The following VASH2 variants were observed in gnomAD, a reference collection of about 807,000 sequenced individuals.
VASH2 encodes the protein vasohibin 2, also known as tubulinyl-Tyr carboxypeptidase 2.
Under a neutral mutation model 37.2 loss-of-function variants are expected in VASH2, and 28 were observed. The observed-to-expected ratio is 0.75, with a 90% CI of 0.56 to 1.03. The LOEUF (loss-of-function observed/expected upper bound fraction) is 1.03, where lower values mean the gene tolerates loss of function less well. VASH2 is among the 50% of genes least tolerant of loss of function. The probability of loss-of-function intolerance (pLI) is 0.00; values close to 1 mark genes in which losing one functional copy is unlikely to be tolerated. For synonymous variants in VASH2, 188 were observed against 174.7 expected (o/e 1.08, Z -0.60); for missense variants, 419 against 459.1 (o/e 0.91, Z 0.80).
At chr1:212,967,529 T>C (rs575613075) in intron 5 of VASH2, 218 of 992,034 alleles carry the variant, frequency 2.2e-4, no homozygotes, top group Non-Finnish European at 2.5e-4. Flanking sequence ...GAGAAATGAC[T>C]TTTTTCCAAA....
chr1:212,973,619 CT>C, intron 6 of VASH2: 2 of 1,226,988 alleles, frequency 1.6e-6, no homozygotes, highest in Non-Finnish European at 1.0e-6. Flanking sequence ...AGAGATGGGA[CT>C]TTGCCTTCGT....
chr1:212,967,502 T>A (rs1666886951), intron 5 of VASH2: 1 of 1,104,734 alleles, frequency 9.1e-7, no homozygotes, highest in African/African-American at 1.6e-5. Context: ...ATCAGTTAGG[T>A]CCTTGAGCGC....
At chr1:212,963,798 C>T (rs1240685205) in intron 3 of VASH2, among the ~76,000 whole-genome samples, 1 of 151,916 alleles carries the variant, frequency 6.6e-6, no homozygotes, top group Non-Finnish European at 1.5e-5. Context: ...ACGTTTGTCT[C>T]ATTTGTTACA....
chr1:212,953,428 C>T (rs1666385876), intron 2 of VASH2, among the ~76,000 whole-genome samples: 1 of 152,172 alleles, frequency 6.6e-6, no homozygotes, highest in Non-Finnish European at 1.5e-5. Flanking sequence ...ATAAATCCTC[C>T]TCGCAGCACC....
rs1667098059 is a variant in VASH2 at position 212,973,974 on chromosome 1, C to T, written c.899C>T (p.Ala300Val). ...MRMKILKPAS[A>V]HSPTQVRSRG... ...CTTCAGATCCTGAAACCTGCAAGTG[C>T]CCACTCTCCGACCCAAGTGAGAAGC... The change falls in exon 7 of 8, where the codon GCC becomes GTC. Residue 300 changes from alanine to valine, a missense_variant. This residue lies in a region of VASH2 where 177 missense variants were observed against 166.2 expected (regional missense o/e 1.06). Coordinates refer to ENST00000517399, the MANE Select transcript of VASH2 (RefSeq NM_001301056.2). 2.5e-6 allele frequency: 4 copies of T among 1,613,572 alleles called. No homozygotes were observed. The South Asian group carries it at 3.3e-5, about 13-fold the overall frequency.
intron 4 of VASH2, 189 bp downstream of exon 4, chr1:212,965,967 C>T: frequency 1.6e-6 from 1 of 619,904 alleles, no homozygotes. Context: ...CAGTGGAGCT[C>T]AGTGGTGAAT....
chr1:212,981,541 G>C (rs181924475), intron 7 of VASH2, among the ~76,000 whole-genome samples: 1 of 152,290 alleles, frequency 6.6e-6, no homozygotes, highest in Admixed American at 6.5e-5. Flanking sequence ...ACTTGTAAAT[G>C]CTGGGCCAAG....
intron 5 of VASH2, chr1:212,967,149 C>T (rs766272948): frequency 1.2e-5 from 16 of 1,304,510 alleles, no homozygotes; most frequent in Non-Finnish European, 1.3e-5. Context: ...GCTTCTCCCA[C>T]ACTTTCTGTT....
chr1:212,960,805 C>T (rs529574994), intron 2 of VASH2, among the ~76,000 whole-genome samples: 3 of 152,310 alleles, frequency 2.0e-5, no homozygotes, highest in East Asian at 1.9e-4. Flanking sequence ...GGAATGCTTT[C>T]GTGTCCGTCC....
At chr1:212,973,663 G>A in intron 6 of VASH2, 1 of 1,244,180 alleles carries the variant, frequency 8.0e-7, no homozygotes, top group Admixed American at 3.3e-5. Context: ...AACAAACACA[G>A]CCCCGGGGAG....
At chr1:212,972,269 G>C (rs1259206160) in intron 5 of VASH2, among the ~76,000 whole-genome samples, 1 of 152,206 alleles carries the variant, frequency 6.6e-6, no homozygotes, top group Non-Finnish European at 1.5e-5. Flanking sequence ...GTTGCAGCCT[G>C]TGTGAGCCCC....
chr1:212,990,447 T>C lies in VASH2; in HGVS notation c.*1863T>C, dbSNP rs2075847243. 1 of 152,234 alleles carries C rather than the reference T, an allele frequency of 6.6e-6. No individual in the cohort carries two copies. The highest frequency in any genetic ancestry group is 6.5e-5 in the Admixed American group (1 of 15,274). 9.4% of individuals were successfully genotyped at this position (152,234 alleles called of 1,614,324 possible). A position where few individuals can be genotyped will look rare whatever the true frequency, so the allele number is the denominator to read the frequency against. ...TCATTTCATTTTCATTCTAAAACAA[T>C]ACTGACTTAGCCATATACCTTCTGT... is the stretch of plus-strand genomic sequence containing the variant. On this transcript the variant is annotated 3_prime_UTR_variant, in exon 8 of 8. Coordinates refer to ENST00000517399, the MANE Select transcript of VASH2 (RefSeq NM_001301056.2).
intron 2 of VASH2, among the ~76,000 whole-genome samples, chr1:212,959,805 T>G (rs899238209): frequency 2.6e-5 from 4 of 152,218 alleles, no homozygotes; most frequent in African/African-American, 4.8e-5. Flanking sequence ...CGGAGTCCCC[T>G]TCCATCAGCG....
intron 5 of VASH2, chr1:212,968,083 C>T (rs944005087): frequency 2.3e-5 from 11 of 487,694 alleles, no homozygotes; most frequent in Middle Eastern, 1.0e-3. Flanking sequence ...AGGAGAGGAT[C>T]GGATTTAGGG....
chr1:212,987,045 G>C (rs1667497976), intron 7 of VASH2, among the ~76,000 whole-genome samples: 2 of 152,074 alleles, frequency 1.3e-5, no homozygotes. Context: ...GAGAGAGAGA[G>C]AGAGAGAGAG....
At chr1:212,976,568 TA>T (rs10701449) in intron 7 of VASH2, among the ~76,000 whole-genome samples, 44 of 147,846 alleles carry the variant, frequency 3.0e-4, no homozygotes, top group Admixed American at 8.0e-4. Flanking sequence ...TGAGGCCCTG[TA>T]AAAAAAAAAA....
rs551078247 is a variant in VASH2 at position 212,960,113 on chromosome 1, C to T, written c.277-1053C>T. On this transcript the variant is annotated intron_variant, in intron 2 of 7. Coordinates refer to ENST00000517399, the MANE Select transcript of VASH2 (RefSeq NM_001301056.2). Reference sequence around the variant, plus strand: ...GCTTTTCAGCAGCGACTTGATTGGACGTCCCTGTCTGTTCTTGCTCTTGGC... The same window carrying T: ...GCTTTTCAGCAGCGACTTGATTGGATGTCCCTGTCTGTTCTTGCTCTTGGC... Among the ~76,000 whole-genome samples the T allele has an allele frequency of 2.6e-5, 4 of 152,340 alleles. No homozygotes were observed. The East Asian group carries it at 5.8e-4, about 22-fold the overall frequency.
chr1:212,965,620 A>T, intron 3 of VASH2, 102 bp from the exon 4 acceptor site: 1 of 1,116,784 alleles, frequency 9.0e-7, no homozygotes, highest in Non-Finnish European at 1.3e-6. Flanking sequence ...GAAAGCCCTC[A>T]CATCCTCATC....
At chr1:212,973,577 C>G (rs890136674) in intron 6 of VASH2, 33 of 1,263,938 alleles carry the variant, frequency 2.6e-5, no homozygotes, top group Non-Finnish European at 3.4e-5. Flanking sequence ...ATGGGAGCAT[C>G]AGAGGAAGAA....
Sources: gnomAD v4.1 joint callset for allele counts (sites outside exome capture counted in the v4.1 genomes callset) on GRCh38, gnomAD v4.1.1 for gene constraint, gnomAD v4.1.1 regional missense constraint, MANE v1.5 for transcripts, NCBI Gene and HGNC (gene_info 2026-07-23, HGNC 2026-07-21) for gene names.